Variants in ZCCHC14 observed in about 807,000 individuals in gnomAD.
The protein encoded by ZCCHC14 is zinc finger CCHC domain-containing protein 14.
In ZCCHC14, 16 loss-of-function variants were observed where a neutral mutation model predicts 85.0. The ratio of observed to expected loss-of-function variants is 0.19; its 90% CI spans 0.13 to 0.29. ZCCHC14 has a LOEUF of 0.29. Ranked by LOEUF, ZCCHC14 falls within the 10% of genes least tolerant of loss-of-function variation. The probability of loss-of-function intolerance (pLI) is 1.00; values close to 1 mark genes in which losing one functional copy is unlikely to be tolerated. For missense variants in ZCCHC14, 1,303 were observed against 1,443.5 expected (o/e 0.90, Z 1.58); for synonymous variants, 775 against 630.7 (o/e 1.23, Z -3.43).
rs76010504 is a variant in ZCCHC14 at position 87,415,578 on chromosome 16, A to C, written c.1384-211T>G. Among the ~76,000 whole-genome samples, 2,031 of 152,272 alleles carry C rather than the reference A, an allele frequency of 0.013. 103 individuals carry two copies. In the East Asian group the frequency reaches 0.18, roughly 13 times the overall value. On this transcript the variant is annotated intron_variant, in intron 8 of 12. Coordinates refer to ENST00000671377, the MANE Select transcript of ZCCHC14 (RefSeq NM_015144.3). ...GGTTCAACTCCGAGACGCAGTTCTG[A>C]GCAAGAGTGTCCCCGGCTCCTCCAG...
At chr16:87,456,108 G>C (rs901916680) in intron 2 of ZCCHC14, among the ~76,000 whole-genome samples, 1 of 152,142 alleles carries the variant, frequency 6.6e-6, no homozygotes. Context: ...GTGTTTCAAA[G>C]TCCTCATAAT....
chr16:87,440,456 T>A (rs535005825), intron 2 of ZCCHC14, among the ~76,000 whole-genome samples: 13 of 151,998 alleles, frequency 8.6e-5, no homozygotes. Context: ...TGAGCCACCG[T>A]GCCCAGCTGA....
chr16:87,424,439 G>C (rs1835362371), intron 3 of ZCCHC14, among the ~76,000 whole-genome samples: 2 of 152,150 alleles, frequency 1.3e-5, no homozygotes, highest in African/African-American at 2.4e-5. Context: ...ATCACTGCTG[G>C]GGAAGAGCAG....
chr16:87,440,025 T>G (rs1910109257), intron 2 of ZCCHC14, among the ~76,000 whole-genome samples: 1 of 152,154 alleles, frequency 6.6e-6, no homozygotes, highest in African/African-American at 2.4e-5. Context: ...CAGGCTGCGC[T>G]CGAACTCCAG....
chr16:87,417,688 G>C lies in ZCCHC14; in HGVS notation c.1155C>G (p.His385Gln). The change falls in exon 8 of 13, where the codon CAC becomes CAG. Residue 385 changes from histidine (H) to glutamine (Q), a missense_variant. Physicochemically the swap from His to Gln is conservative, Grantham distance 24 (BLOSUM62 0). Coordinates refer to ENST00000671377, the MANE Select transcript of ZCCHC14 (RefSeq NM_015144.3). ...CGGCGGAGCCGGCCGGGTGCTGCCC[G>C]TGGTGCTGGGCTCCGCTCTGCGAGG... ...IPSSQSGAQH[H>Q]GQHPAGSAAP... 1 of 1,610,044 alleles carries C rather than the reference G, an allele frequency of 6.2e-7. No individual in the cohort carries two copies.
intron 3 of ZCCHC14, among the ~76,000 whole-genome samples, chr16:87,427,097 A>C (rs931155316): frequency 5.3e-5 from 8 of 152,242 alleles, no homozygotes; most frequent in Non-Finnish European, 7.3e-5. Flanking sequence ...TCAGCAAACA[A>C]ACACAAAACA....
intron 2 of ZCCHC14, among the ~76,000 whole-genome samples, chr16:87,459,035 A>G (rs991556615): frequency 2.0e-5 from 3 of 152,190 alleles, no homozygotes; most frequent in Non-Finnish European, 2.9e-5. Context: ...CTACTATGGC[A>G]TGGTTACCAA....
Position 87,493,018 on chromosome 16 carries a change from C to T in ZCCHC14, c.-780G>A, listed in dbSNP as rs1230999880. ...GCGGCTGACGGGCGGCCGGGATCAG[C>T]AGAAGTGGGCGGGGTGGCCGCCTCT... On this transcript the variant is annotated 5_prime_UTR_variant, in exon 1 of 13. Transcript: ENST00000671377. Among the ~76,000 whole-genome samples the T allele has an allele frequency of 1.3e-5, 2 of 151,930 alleles. No individual in the cohort carries two copies. Among genetic ancestry groups the T allele is most frequent in the African/African-American group, 4.8e-5 (2 of 41,414 alleles).
chr16:87,473,647 G>A (rs1210451195), intron 1 of ZCCHC14: 1 of 152,176 alleles, frequency 6.6e-6, no homozygotes, highest in Non-Finnish European at 1.5e-5. Flanking sequence ...GCGTTATCAT[G>A]ACCATTTTGG....
intron 2 of ZCCHC14, among the ~76,000 whole-genome samples, chr16:87,452,813 T>C (rs897668294): frequency 2.0e-5 from 3 of 152,004 alleles, no homozygotes; most frequent in African/African-American, 4.8e-5. Flanking sequence ...TTCAGGGAGG[T>C]GCAGGTGCTG....
intron 1 of ZCCHC14, among the ~76,000 whole-genome samples, chr16:87,477,120 C>CAAAAAAAAAAAAAAAAAAAAAAAA (rs769416913): frequency 2.5e-5 from 1 of 40,632 alleles, no homozygotes; most frequent in African/African-American, 1.4e-4. Context: ...GACTCAGTCT[C>CAAAAAAAAAAAAAAAAAAAAAAAA]AAAAAAAAAA....
At chr16:87,414,095 G>A (rs780202176) in intron 10 of ZCCHC14, among the ~76,000 whole-genome samples, 6 of 136,590 alleles carry the variant, frequency 4.4e-5, no homozygotes, top group South Asian at 2.1e-4. Context: ...CTGTGTCTGC[G>A]TAACCGACCT....
At chr16:87,465,190 G>A (rs1911463228) in intron 1 of ZCCHC14, among the ~76,000 whole-genome samples, 1 of 152,214 alleles carries the variant, frequency 6.6e-6, no homozygotes, top group Non-Finnish European at 1.5e-5. Flanking sequence ...TTCTTAGCAA[G>A]ACTTCTCGAT....
chr16:87,464,725 C>A (rs544476471), intron 1 of ZCCHC14, among the ~76,000 whole-genome samples: 1 of 152,210 alleles, frequency 6.6e-6, no homozygotes, highest in South Asian at 2.1e-4. Context: ...TCCAACCAAG[C>A]CTTTATCGTA....
At chr16:87,483,028 GATAA>G (rs1294130168) in intron 1 of ZCCHC14, among the ~76,000 whole-genome samples, 1 of 151,522 alleles carries the variant, frequency 6.6e-6, no homozygotes, top group African/African-American at 2.4e-5. Context: ...AAAAAGGACT[GATAA>G]ATATAGCATT....
intron 1 of ZCCHC14, among the ~76,000 whole-genome samples, chr16:87,460,998 G>A (rs1911229329): frequency 6.6e-6 from 1 of 152,210 alleles, no homozygotes; most frequent in Admixed American, 6.5e-5. Context: ...ATGACCTGAT[G>A]GGGTGTGCCC....
rs754402191 is a variant in ZCCHC14, at chr16:87,411,787, G to A, written c.2934C>T (p.Tyr978=). The A allele has an allele frequency of 2.4e-5, 38 of 1,611,182 alleles. No homozygotes were observed. Among genetic ancestry groups the A allele is most frequent in the East Asian group, 1.3e-4 (6 of 44,872 alleles). ...CSSGYVSAQQ[Y]GGGSTFPVVH... ...CGACGGGGAAGGTGGAGCCGCCGCCGTACTGCTGGGCGCTGACGTAGCCGC... is the reference window on the plus strand; with the variant it reads ...CGACGGGGAAGGTGGAGCCGCCGCCATACTGCTGGGCGCTGACGTAGCCGC... The change falls in exon 12 of 13, where the codon TAC becomes TAT. Residue 978 remains tyrosine (Y), a synonymous_variant. Coordinates refer to ENST00000671377, the MANE Select transcript of ZCCHC14 (RefSeq NM_015144.3).
intron 2 of ZCCHC14, among the ~76,000 whole-genome samples, chr16:87,445,666 G>A (rs947997102): frequency 6.6e-6 from 1 of 152,084 alleles, no homozygotes; most frequent in Non-Finnish European, 1.5e-5. Flanking sequence ...CACGGCGTGT[G>A]GGCTCAGCCG....
intron 2 of ZCCHC14, among the ~76,000 whole-genome samples, chr16:87,436,893 T>C (rs1909951691): frequency 6.6e-6 from 1 of 152,164 alleles, no homozygotes; most frequent in Non-Finnish European, 1.5e-5. Flanking sequence ...TTTCCCCACA[T>C]TTCTGTAATG....
Sources: gnomAD v4.1 joint callset for allele counts (sites outside exome capture counted in the v4.1 genomes callset) on GRCh38, gnomAD v4.1.1 for gene constraint, MANE v1.5 for transcripts, NCBI Gene and HGNC (gene_info 2026-07-23, HGNC 2026-07-21) for gene names.